The following ADAMTS14 variants were observed in gnomAD, a reference collection of about 807,000 sequenced individuals.
The protein encoded by ADAMTS14 is ADAM metallopeptidase with thrombospondin type 1 motif 14, also known as A disintegrin and metalloproteinase with thrombospondin motifs 14.
In ADAMTS14, 100 loss-of-function variants were observed where a neutral mutation model predicts 128.6. That is an observed-to-expected ratio of 0.78 (90% CI 0.66 to 0.92). The LOEUF (loss-of-function observed/expected upper bound fraction) is 0.92. ADAMTS14 is among the 40% of genes least tolerant of loss of function. The pLI, the probability that ADAMTS14 is intolerant of heterozygous loss-of-function variation, is 0.00. For missense variants in ADAMTS14, 1,562 were observed against 1,658.6 expected (o/e 0.94, Z 1.01); for synonymous variants, 665 against 653.8 (o/e 1.02, Z -0.26).
At chr10:70,734,660 G>T (rs1265962748) in intron 8 of ADAMTS14, among the ~76,000 whole-genome samples, 1 of 152,224 alleles carries the variant, frequency 6.6e-6, no homozygotes, top group Non-Finnish European at 1.5e-5. Flanking sequence ...GTTAGACTCA[G>T]GACCTTGAGG....
intron 12 of ADAMTS14, among the ~76,000 whole-genome samples, chr10:70,742,049 C>A (rs1842016665): frequency 6.6e-6 from 1 of 152,212 alleles, no homozygotes; most frequent in African/African-American, 2.4e-5. Context: ...ACTGTCAGCT[C>A]TTCAGCTCTG....
At chr10:70,704,847 C>T (rs567115735) in intron 3 of ADAMTS14, among the ~76,000 whole-genome samples, 28 of 152,148 alleles carry the variant, frequency 1.8e-4, no homozygotes, top group African/African-American at 6.7e-4. Flanking sequence ...CGCAAACACA[C>T]GCTTACAAGC....
chr10:70,673,992 A>T (rs1839563299), intron 1 of ADAMTS14, among the ~76,000 whole-genome samples: 1 of 152,134 alleles, frequency 6.6e-6, no homozygotes. Context: ...CCTCCTGTAA[A>T]AAGTTTTCTT....
At chr10:70,689,000 C>T (rs1334325138) in intron 2 of ADAMTS14, among the ~76,000 whole-genome samples, 1 of 106,092 alleles carries the variant, frequency 9.4e-6, no homozygotes, top group Admixed American at 9.3e-5. Flanking sequence ...GTCCCCCAGG[C>T]AGAGGTTCAC....
chr10:70,672,820 G>T lies in ADAMTS14; in HGVS notation c.18G>T (p.Ala6=). The change falls in exon 1 of 22, where the codon GCG becomes GCT. Residue 6 remains alanine, a synonymous_variant. Coordinates refer to ENST00000373207, the MANE Select transcript of ADAMTS14 (RefSeq NM_080722.4). ...GCGGCCACATGGCTCCACTCCGCGCGCTGCTGTCCTACCTGCTGCCTTTGC... is the reference window on the plus strand; with the variant it reads ...GCGGCCACATGGCTCCACTCCGCGCTCTGCTGTCCTACCTGCTGCCTTTGC... MAPLR[A]LLSYLLPLHC... The T allele has an allele frequency of 4.6e-6, 7 of 1,512,110 alleles. No individual in the cohort carries two copies. The highest frequency in any genetic ancestry group is 6.2e-6 in the Non-Finnish European group (7 of 1,134,370). 93.7% of individuals were successfully genotyped at this position (1,512,110 alleles called of 1,614,324 possible).
At chr10:70,708,053 G>T (rs1297412839) in intron 3 of ADAMTS14, among the ~76,000 whole-genome samples, 2 of 152,342 alleles carry the variant, frequency 1.3e-5, no homozygotes, top group East Asian at 3.9e-4. Flanking sequence ...GCAGAGCAGC[G>T]ATGGTGAAAT....
chr10:70,691,501 A>AAAC (rs1840187969), intron 2 of ADAMTS14, among the ~76,000 whole-genome samples: 1 of 121,238 alleles, frequency 8.2e-6, no homozygotes, highest in East Asian at 2.1e-4. Context: ...AAAAAAAAAA[A>AAAC]AAAAAAAACA....
Position 70,752,119 on chromosome 10 carries a change from GC to G in ADAMTS14, c.2623del (p.Arg875GlyfsTer38), listed in dbSNP as rs1291188761. 6.2e-7 allele frequency: 1 copy of G among 1,613,060 alleles called. No individual in the cohort carries two copies. Among genetic ancestry groups the G allele is most frequent in the Non-Finnish European group, 8.5e-7 (1 of 1,179,902 alleles). On this transcript the variant is annotated frameshift_variant, in exon 18 of 22. Coordinates refer to ENST00000373207, the MANE Select transcript of ADAMTS14 (RefSeq NM_080722.4). LOFTEE classifies it high-confidence loss of function. The stretch of plus-strand genomic sequence containing the variant: ...GGGATCCAGTTCACCAAATACGGCT[GC>G]CGGCGCAGACGAGACCACCACATGG... ...GGGIQFTKYG[C>X]RRRRDHHMVQ...
rs547941061 is a variant in ADAMTS14 at position 70,760,291 on chromosome 10, A to AG, written c.3179-62dup. The stretch of plus-strand genomic sequence containing the variant: ...GGCGGGCAGTCAGTGGGTAAGTGGG[A>AG]GGGGGGGCCACCTGACTGACAGGCA... On this transcript the variant is annotated intron_variant, in intron 21 of 21. Coordinates refer to ENST00000373207, the MANE Select transcript of ADAMTS14 (RefSeq NM_080722.4). The AG allele has an allele frequency of 1.0e-4, 156 of 1,496,424 alleles. 1 individual carries two copies. In the African/African-American group the frequency reaches 1.1e-3, roughly 11 times the overall value. 92.7% of individuals were successfully genotyped at this position (1,496,424 alleles called of 1,614,324 possible).
At chr10:70,730,011 C>T (rs1841582625) in intron 5 of ADAMTS14, 91 bp from the exon 6 acceptor site, 37 of 1,441,980 alleles carry the variant, frequency 2.6e-5, no homozygotes, top group Middle Eastern at 2.6e-4. Flanking sequence ...TGGGCCTTAG[C>T]GTTCCCATCT....
At chr10:70,689,573 T>C (rs4747074) in intron 2 of ADAMTS14, among the ~76,000 whole-genome samples, 11,837 of 145,280 alleles carry the variant, frequency 0.081, 2,193 homozygotes, top group East Asian at 0.18. Flanking sequence ...TTTTTGTTGC[T>C]GGTAATTCTA....
rs1391362882 is a variant in ADAMTS14, at chr10:70,689,184, C to T, written c.523-13128C>T. The stretch of plus-strand genomic sequence containing the variant: ...TAGGGAGATGCTAGGTAAAATATGC[C>T]GTCCCCTAATCCACGGCCACAGTTT... On this transcript the variant is annotated intron_variant, in intron 2 of 21. Transcript: ENST00000373207. 3.5e-5 allele frequency among the ~76,000 whole-genome samples: 5 copies of T among 143,792 alleles called. 1 individual carries two copies. Among genetic ancestry groups the T allele is most frequent in the South Asian group, 2.2e-4 (1 of 4,452 alleles). 94.3% of individuals were successfully genotyped at this position (143,792 alleles called of 152,430 possible).
At chr10:70,748,177 G>A (rs1177227543) in intron 15 of ADAMTS14, among the ~76,000 whole-genome samples, 1 of 152,198 alleles carries the variant, frequency 6.6e-6, no homozygotes, top group Non-Finnish European at 1.5e-5. Context: ...GGAAACTGAG[G>A]CTCAGAGAGA....
intron 14 of ADAMTS14, 34 bp downstream of exon 14, chr10:70,744,223 GC>G: frequency 1.3e-6 from 2 of 1,484,068 alleles, no homozygotes; most frequent in Non-Finnish European, 1.8e-6. Context: ...GATGACGAGG[GC>G]TGACTGGAGT....
chr10:70,709,495 G>GTTTTTTTTTTTTTTTTTTT (rs746940189), intron 4 of ADAMTS14, among the ~76,000 whole-genome samples: 1 of 101,840 alleles, frequency 9.8e-6, no homozygotes, highest in Non-Finnish European at 1.8e-5. Context: ...AACATTTCCA[G>GTTTTTTTTTTTTTTTTTTT]TTTTTTTTTT....
intron 4 of ADAMTS14, among the ~76,000 whole-genome samples, chr10:70,728,842 C>T (rs10999493): frequency 0.15 from 23,439 of 152,234 alleles, 2,180 homozygotes; most frequent in Non-Finnish European, 0.22. Flanking sequence ...GTGCCCACTG[C>T]TGCCTCCCCA....
intron 21 of ADAMTS14, among the ~76,000 whole-genome samples, chr10:70,759,396 G>A (rs1240176130): frequency 6.6e-6 from 1 of 151,944 alleles, no homozygotes; most frequent in Non-Finnish European, 1.5e-5. Context: ...AGAAAGCAAA[G>A]CTCCTGCCTT....
intron 3 of ADAMTS14, among the ~76,000 whole-genome samples, chr10:70,705,111 G>A (rs921077665): frequency 6.6e-5 from 10 of 152,018 alleles, no homozygotes; most frequent in Admixed American, 3.9e-4. Flanking sequence ...GAGCCCCAGA[G>A]AAGAGTTAGG....
chr10:70,702,485 G>A lies in ADAMTS14; in HGVS notation c.679+17G>A, dbSNP rs747506607. ...ACAATGAAGGTAGGCTGTAGGTAGG[G>A]GCCTGTGTGCTGCTTCTCTCCCTAC... is the stretch of plus-strand genomic sequence containing the variant. On this transcript the variant is annotated intron_variant, in intron 3 of 21. Coordinates refer to ENST00000373207, the MANE Select transcript of ADAMTS14 (RefSeq NM_080722.4). 2.5e-6 allele frequency: 4 copies of A among 1,586,180 alleles called. No individual in the cohort carries two copies. Among genetic ancestry groups the A allele is most frequent in the Middle Eastern group, 3.4e-4 (2 of 5,904 alleles).
Sources: gnomAD v4.1 joint callset for allele counts (sites outside exome capture counted in the v4.1 genomes callset) on GRCh38, gnomAD v4.1.1 for gene constraint, MANE v1.5 for transcripts, NCBI Gene and HGNC (gene_info 2026-07-23, HGNC 2026-07-21) for gene names.